NXF3: variants seen among roughly 807,000 people sequenced by gnomAD.
NXF3 encodes TAP-like protein 3.
In NXF3, 34 loss-of-function variants were observed where a neutral mutation model predicts 48.4. That is an observed-to-expected ratio of 0.70 (90% CI 0.53 to 0.93). NXF3 has a LOEUF of 0.93. NXF3 is among the 40% of genes least tolerant of loss of function. The probability of loss-of-function intolerance (pLI) is 0.00; values close to 1 mark genes in which losing one functional copy is unlikely to be tolerated. For missense variants in NXF3, 359 were observed against 406.1 expected (o/e 0.88, Z 1.00); for synonymous variants, 132 against 145.7 (o/e 0.91, Z 0.68).
chrX:103,076,337 A>T (rs781478220), intron 18 of NXF3, 36 bp from the exon 19 acceptor site: 47 of 1,192,872 alleles, frequency 3.9e-5, no homozygotes, highest in Non-Finnish European at 5.0e-5. Flanking sequence ...ATCCATTAGG[A>T]CCCAAGTGCA....
In NXF3 at chrX:103,093,078, G is replaced by A. The variant is rs754027410; in HGVS notation, c.-55C>T. ...AGGAGAATCTGTGTGGCCTGGGGACGGGAGTTTGGAGAAGATTGAGGAGGG... is the reference window on the plus strand; with the variant it reads ...AGGAGAATCTGTGTGGCCTGGGGACAGGAGTTTGGAGAAGATTGAGGAGGG... On this transcript the variant is annotated 5_prime_UTR_variant, in exon 1 of 20. Transcript: ENST00000395065. 6.3e-6 allele frequency: 7 copies of A among 1,113,627 alleles called. No homozygotes were observed. Among genetic ancestry groups the A allele is most frequent in the Non-Finnish European group, 8.6e-6 (7 of 809,836 alleles). 91.8% of individuals were successfully genotyped at this position (1,113,627 alleles called of 1,213,427 possible).
rs757557030 is a variant in NXF3 at position 103,084,824 on chromosome X, A to G, written c.88T>C (p.Phe30Leu). Residue 30 changes from phenylalanine (F) to leucine (L), a missense_variant, in exon 2 of 20, where the codon TTT becomes CTT. Transcript: ENST00000395065. ...TTGACAGGTTCAGACCTACTGCTAA[A>G]TCTCCTTTGGTAAATATCCCAACAT... Reference protein sequence around the residue: ...ARCWDIYQRRFSSRSEPVNPG... With the variant: ...ARCWDIYQRRLSSRSEPVNPG... 9.1e-6 allele frequency: 11 copies of G among 1,210,195 alleles called. No individual in the cohort carries two copies. In the African/African-American group the frequency reaches 1.9e-4, roughly 21 times the overall value.
chrX:103,091,984 C>CAAAAAAAA (rs59377364), intron 1 of NXF3, among the ~76,000 whole-genome samples: 3 of 47,811 alleles, frequency 6.3e-5, no homozygotes, highest in Non-Finnish European at 1.1e-4. Context: ...GACTCCATCA[C>CAAAAAAAA]AAAAAAAAAA....
At chrX:103,092,894 G>T in intron 1 of NXF3, 102 bp downstream of exon 1, 1 of 840,719 alleles carries the variant, frequency 1.2e-6, no homozygotes, top group Non-Finnish European at 1.8e-6. Flanking sequence ...TCTAAAGGGA[G>T]ATTGGCTGGG....
intron 18 of NXF3, among the ~76,000 whole-genome samples, chrX:103,077,041 C>G (rs757791997): frequency 2.6e-4 from 29 of 110,847 alleles, no homozygotes; most frequent in African/African-American, 9.5e-4. Flanking sequence ...TCATTTTTCT[C>G]GATTGACAGA....
At position 103,078,701 on chromosome X, in the gene NXF3, A is replaced by G. The variant is rs140980735; in HGVS notation, c.1379-69T>C. 3.0e-3 allele frequency: 3,594 copies of G among 1,197,769 alleles called. 53 individuals carry two copies. In the East Asian group the frequency reaches 0.037, roughly 12 times the overall value. On this transcript the variant is annotated intron_variant, in intron 16 of 19. Transcript: ENST00000395065. ...TTACGTGCTCACATGGTGATCCCCA[A>G]TCAGAGTCTTGCTTGACACTCACAC... is the stretch of plus-strand genomic sequence containing the variant.
At chrX:103,091,125 C>T (rs1197727114) in intron 1 of NXF3, among the ~76,000 whole-genome samples, 1 of 111,451 alleles carries the variant, frequency 9.0e-6, no homozygotes, top group East Asian at 2.8e-4. Flanking sequence ...ACTCTTTTTC[C>T]CGACCTAAAC....
At chrX:103,083,560 C>G in intron 4 of NXF3, 49 bp downstream of exon 4, 2 of 1,170,883 alleles carry the variant, frequency 1.7e-6, no homozygotes. Flanking sequence ...GCTCATCCAG[C>G]CCCCAACCTG....
chrX:103,088,131 T>C, intron 1 of NXF3: 1 of 977,196 alleles, frequency 1.0e-6, no homozygotes, highest in Non-Finnish European at 1.4e-6. Flanking sequence ...ACACATGTGT[T>C]TTCCTGCTAG....
chrX:103,088,826 C>G (rs1922213628), intron 1 of NXF3: 1 of 1,152,826 alleles, frequency 8.7e-7, no homozygotes, highest in African/African-American at 1.8e-5. Context: ...AATTTGGAAA[C>G]TTGAACAATC....
chrX:103,080,901 C>T (rs1447832112), intron 9 of NXF3: 7 of 352,696 alleles, frequency 2.0e-5, no homozygotes, highest in Non-Finnish European at 3.5e-5. Flanking sequence ...GTCCGTCAGT[C>T]TGCCTGTCCT....
At chrX:103,087,962 C>T (rs996637526) in intron 1 of NXF3, 33 of 948,220 alleles carry the variant, frequency 3.5e-5, no homozygotes, top group Non-Finnish European at 4.3e-5. Context: ...GAATATTGCC[C>T]CCTGCCTAAT....
chrX:103,090,955 A>C (rs965549140), intron 1 of NXF3, among the ~76,000 whole-genome samples: 1 of 112,370 alleles, frequency 8.9e-6, no homozygotes, highest in Non-Finnish European at 1.9e-5. Context: ...TGCTTAATAC[A>C]AAACTTTTCA....
At chrX:103,082,121 C>G (rs1290201817) in intron 9 of NXF3, 134 bp downstream of exon 9, 4 of 527,384 alleles carry the variant, frequency 7.6e-6, no homozygotes, top group African/African-American at 4.6e-5. Flanking sequence ...ATGAGTGACA[C>G]AGAGAGAGGA....
rs1163002777 is a variant in NXF3 at position 103,087,608 on chromosome X, T to C, written c.29-2725A>G. On this transcript the variant is annotated intron_variant, in intron 1 of 19. Transcript: ENST00000395065. The stretch of plus-strand genomic sequence containing the variant: ...TATAATACTTTTACCAGAGGAAAGA[T>C]GGGCATTACACCCGTGCTCTAAGTC... The C allele has an allele frequency of 1.8e-5, 17 of 967,169 alleles. No individual in the cohort carries two copies. In the East Asian group the frequency reaches 4.0e-4, roughly 23 times the overall value. 79.7% of individuals were successfully genotyped at this position (967,169 alleles called of 1,213,427 possible).
At chrX:103,076,537 T>G (rs1251373509) in intron 18 of NXF3, among the ~76,000 whole-genome samples, 2 of 111,187 alleles carry the variant, frequency 1.8e-5, no homozygotes, top group African/African-American at 6.6e-5. Context: ...AAGGTAAAAG[T>G]GAAGCTGGGA....
Position 103,079,653 on chromosome X carries a change from AAG to A in NXF3, c.1161-13_1161-12del. ...TTGCAGAAGCTGCTCCTAGAAGAAAAAGAGGAGCAGGAGTGGGTGGTCTGGCC... is the reference window on the plus strand; with the variant it reads ...TTGCAGAAGCTGCTCCTAGAAGAAAAAGGAGCAGGAGTGGGTGGTCTGGCC... On this transcript the variant is annotated splice_polypyrimidine_tract_variant and intron_variant, in intron 13 of 19. Coordinates refer to ENST00000395065, the MANE Select transcript of NXF3 (RefSeq NM_022052.2). The A allele has an allele frequency of 8.3e-7, 1 of 1,208,285 alleles. No individual in the cohort carries two copies. The highest frequency in any genetic ancestry group is 1.1e-6 in the Non-Finnish European group (1 of 892,504).
At chrX:103,079,092 G>C in intron 16 of NXF3, 129 bp downstream of exon 16, 1 of 729,523 alleles carries the variant, frequency 1.4e-6, no homozygotes, top group Non-Finnish European at 2.2e-6. Flanking sequence ...AGTTGGGGTG[G>C]GAAAACACGG....
chrX:103,080,667 T>A, intron 9 of NXF3, 55 bp from the exon 10 acceptor site: 13 of 1,102,928 alleles, frequency 1.2e-5, no homozygotes, highest in Non-Finnish European at 1.6e-5. Flanking sequence ...GGAGCTGTCC[T>A]CCTCATGGGA....
Sources: gnomAD v4.1 joint callset for allele counts (sites outside exome capture counted in the v4.1 genomes callset) on GRCh38, gnomAD v4.1.1 for gene constraint, MANE v1.5 for transcripts, NCBI Gene and HGNC (gene_info 2026-07-23, HGNC 2026-07-21) for gene names.